The following TYR variants were observed in gnomAD, a reference collection of about 807,000 sequenced individuals.
TYR encodes the protein tyrosinase, also known as LB24-AB.
Under a neutral mutation model 51.5 loss-of-function variants are expected in TYR, and 58 were observed. The observed-to-expected ratio is 1.13, with a 90% CI of 0.91 to 1.40. The LOEUF is 1.40. Ranked by LOEUF, TYR falls within the 40% of genes most tolerant of loss-of-function variation. TYR has a pLI of 0.00. For missense variants in TYR, 732 were observed against 647.4 expected (o/e 1.13, Z -1.42); for synonymous variants, 263 against 235.2 (o/e 1.12, Z -1.08).
chr11:89,276,023 T>A (rs1264528023), intron 3 of TYR, among the ~76,000 whole-genome samples: 1 of 151,908 alleles, frequency 6.6e-6, no homozygotes, highest in East Asian at 1.9e-4. Flanking sequence ...TCATCTGGGT[T>A]AGATTATAAA....
chr11:89,232,027 C>T (rs1245935538), intron 3 of TYR, among the ~76,000 whole-genome samples: 2 of 140,242 alleles, frequency 1.4e-5, no homozygotes, highest in African/African-American at 2.9e-5. Context: ...TGTTGTACAG[C>T]GTGATGACTA....
At chr11:89,184,769 T>C (rs1315170974) in intron 1 of TYR, among the ~76,000 whole-genome samples, 4 of 152,170 alleles carry the variant, frequency 2.6e-5, no homozygotes, top group African/African-American at 9.6e-5. Flanking sequence ...GTAAGAAAAT[T>C]AGCCAGAATT....
At chr11:89,276,334 C>T (rs1269298498) in intron 3 of TYR, among the ~76,000 whole-genome samples, 3 of 151,774 alleles carry the variant, frequency 2.0e-5, no homozygotes, top group Non-Finnish European at 2.9e-5. Context: ...ATCTGCATCG[C>T]TTAAAACTTA....
At chr11:89,214,492 GA>G in intron 2 of TYR, among the ~76,000 whole-genome samples, 1 of 152,246 alleles carries the variant, frequency 6.6e-6, no homozygotes, top group East Asian at 1.9e-4. Context: ...CAAGGATCTA[GA>G]ACTAGAAATA....
rs896650424 is a variant in TYR, at chr11:89,191,379, G to A, written c.997G>A (p.Asp333Asn). 7.4e-6 allele frequency: 12 copies of A among 1,613,544 alleles called. No homozygotes were observed. The highest frequency in any genetic ancestry group is 1.3e-5 in the African/African-American group (1 of 74,866). The change falls in exon 2 of 5, where the codon GAT becomes AAT. Residue 333 changes from aspartate (D) to asparagine (N), a missense_variant. Transcript: ENST00000263321. ...SLTQYESGSM[D>N]KAANFSFRNT... ...GACCCAATATGAATCTGGTTCCATG[G>A]ATAAAGCTGCCAATTTCAGCTTTAG...
intron 4 of TYR, among the ~76,000 whole-genome samples, chr11:89,291,895 C>T (rs1472081302): frequency 2.0e-5 from 3 of 151,938 alleles, no homozygotes; most frequent in African/African-American, 4.8e-5. Context: ...TTCATCTTCT[C>T]AGTATAGTAT....
At chr11:89,223,802 T>C (rs1398314209) in intron 2 of TYR, among the ~76,000 whole-genome samples, 1 of 152,154 alleles carries the variant, frequency 6.6e-6, no homozygotes, top group African/African-American at 2.4e-5. Context: ...TTTATATTAA[T>C]CTGGTATGTA....
chr11:89,182,735 G>T (rs1376989190), intron 1 of TYR, among the ~76,000 whole-genome samples: 1 of 152,016 alleles, frequency 6.6e-6, no homozygotes, highest in Non-Finnish European at 1.5e-5. Context: ...GAGGTGGAGG[G>T]TTGCTTAATA....
rs1464099781 is a variant in TYR, at chr11:89,178,211, T to G, written c.258T>G (p.Asn86Lys). ...DRESWPSVFY[N>K]RTCQCSGNFM... ...AGTCGTGGCCTTCCGTCTTTTATAA[T>G]AGGACCTGCCAGTGCTCTGGCAACT... is the stretch of plus-strand genomic sequence containing the variant. Residue 86 changes from asparagine (N) to lysine (K), a missense_variant, in exon 1 of 5, where the codon AAT (asparagine) becomes AAG (lysine). Coordinates refer to ENST00000263321, the MANE Select transcript of TYR (RefSeq NM_000372.5). 2 of 1,614,174 alleles carry G rather than the reference T, an allele frequency of 1.2e-6. No homozygotes were observed. The highest frequency in any genetic ancestry group is 1.6e-4 in the Middle Eastern group (1 of 6,062).
intron 3 of TYR, among the ~76,000 whole-genome samples, chr11:89,252,328 A>C (rs1164156941): frequency 6.6e-6 from 1 of 151,778 alleles, no homozygotes; most frequent in Non-Finnish European, 1.5e-5. Flanking sequence ...AGGAGTACTG[A>C]TCTAGGAAGC....
At chr11:89,249,398 A>G (rs1944305403) in intron 3 of TYR, among the ~76,000 whole-genome samples, 1 of 151,636 alleles carries the variant, frequency 6.6e-6, no homozygotes, top group African/African-American at 2.4e-5. Context: ...CAGCAAAAGC[A>G]AAGAAGACAG....
At chr11:89,182,182 A>G (rs79725711) in intron 1 of TYR, among the ~76,000 whole-genome samples, 2,942 of 152,256 alleles carry the variant, frequency 0.019, 91 homozygotes, top group African/African-American at 0.067. Flanking sequence ...CAAGGTGGTG[A>G]TCATTTCTAA....
intron 3 of TYR, among the ~76,000 whole-genome samples, chr11:89,235,472 C>A (rs1258620971): frequency 3.9e-5 from 6 of 152,070 alleles, no homozygotes; most frequent in Admixed American, 2.0e-4. Flanking sequence ...TATATGTACA[C>A]AATGAAATAC....
chr11:89,262,341 G>A (rs1756045201), intron 3 of TYR, among the ~76,000 whole-genome samples: 1 of 152,036 alleles, frequency 6.6e-6, no homozygotes, highest in Non-Finnish European at 1.5e-5. Flanking sequence ...TTACAGGCAT[G>A]AGCCACTGTG....
chr11:89,204,609 G>C (rs1255117849), intron 2 of TYR, among the ~76,000 whole-genome samples: 2 of 151,792 alleles, frequency 1.3e-5, no homozygotes, highest in Non-Finnish European at 2.9e-5. Flanking sequence ...TGTTGGTCTG[G>C]CTAGCTCCCA....
intron 4 of TYR, among the ~76,000 whole-genome samples, chr11:89,286,936 G>T (rs1372887522): frequency 1.3e-5 from 2 of 151,838 alleles, no homozygotes; most frequent in East Asian, 3.9e-4. Flanking sequence ...TTTAGTGTCT[G>T]TTTCCATTTC....
intron 3 of TYR, among the ~76,000 whole-genome samples, chr11:89,275,951 A>T (rs1009361539): frequency 1.3e-5 from 2 of 151,900 alleles, no homozygotes; most frequent in Admixed American, 1.3e-4. Flanking sequence ...ACTTTCAGCT[A>T]AAGTTGATTT....
intron 2 of TYR, among the ~76,000 whole-genome samples, chr11:89,223,403 A>G (rs1943937984): frequency 6.6e-6 from 1 of 152,208 alleles, no homozygotes; most frequent in African/African-American, 2.4e-5. Context: ...TTTTTTTTCA[A>G]GTTGACTTCA....
At chr11:89,219,507 T>C (rs1591163147) in intron 2 of TYR, among the ~76,000 whole-genome samples, 1 of 152,116 alleles carries the variant, frequency 6.6e-6, no homozygotes, top group Non-Finnish European at 1.5e-5. Flanking sequence ...CAGGCTGGTT[T>C]TGAACCCCTA....
Sources: gnomAD v4.1 joint callset for allele counts (sites outside exome capture counted in the v4.1 genomes callset) on GRCh38, gnomAD v4.1.1 for gene constraint, MANE v1.5 for transcripts, NCBI Gene and HGNC (gene_info 2026-07-23, HGNC 2026-07-21) for gene names.